ASB11: variants seen among roughly 807,000 people sequenced by gnomAD.
ASB11 encodes the protein ankyrin repeat and SOCS box protein 11.
ASB11 carries 17 observed loss-of-function variants against 20.1 expected under a neutral mutation model. The observed-to-expected ratio is 0.85, with a 90% CI of 0.58 to 1.27. The LOEUF (loss-of-function observed/expected upper bound fraction) is 1.27. Among genes scored for constraint, ASB11 ranks in the 50% most tolerant of loss-of-function variants. The pLI is 0.00. For missense variants in ASB11, 259 were observed against 256.9 expected (o/e 1.01, Z -0.06); for synonymous variants, 107 against 105.6 (o/e 1.01, Z -0.08).
intron 1 of ASB11, among the ~76,000 whole-genome samples, chrX:15,310,402 T>G (rs959369225): frequency 1.6e-4 from 18 of 112,285 alleles, no homozygotes; most frequent in Non-Finnish European, 2.8e-4. Flanking sequence ...ATTATGAAGA[T>G]AGTTTACTCT....
intron 1 of ASB11, among the ~76,000 whole-genome samples, chrX:15,309,277 T>C (rs1038664009): frequency 1.8e-5 from 2 of 108,783 alleles, no homozygotes; most frequent in African/African-American, 6.7e-5. Context: ...CTCTGCCTCC[T>C]GTCAGATCAT....
At chrX:15,305,597 T>TTAGATAGCTAGA (rs1921213559) in intron 1 of ASB11, among the ~76,000 whole-genome samples, 1 of 98,515 alleles carries the variant, frequency 1.0e-5, no homozygotes, top group Non-Finnish European at 2.0e-5. Context: ...AAAAAAAAGA[T>TTAGATAGCTAGA]TAGATAGATA....
Position 15,283,483 on chromosome X carries a change from A to G in ASB11, c.*22T>C, listed in dbSNP as rs1040232170. On this transcript the variant is annotated 3_prime_UTR_variant, in exon 7 of 7. Transcript: ENST00000480796. ...GACAACAATCTGTGTCATTCCAAGT[A>G]TCTTCCCAGGAACACTTAGGACTAT... is the stretch of plus-strand genomic sequence containing the variant. 8 of 1,207,572 alleles carry G rather than the reference A, an allele frequency of 6.6e-6. No homozygotes were observed. The highest frequency in any genetic ancestry group is 7.8e-6 in the Non-Finnish European group (7 of 893,315).
At chrX:15,295,556 C>T (rs1295225487) in intron 3 of ASB11, among the ~76,000 whole-genome samples, 2 of 111,198 alleles carry the variant, frequency 1.8e-5, no homozygotes, top group African/African-American at 6.5e-5. Context: ...ACTAGGAACC[C>T]AAGATGAGGA....
intron 3 of ASB11, among the ~76,000 whole-genome samples, chrX:15,296,497 A>G (rs1920966352): frequency 8.9e-6 from 1 of 111,959 alleles, no homozygotes; most frequent in Non-Finnish European, 1.9e-5. Context: ...AACTAAACAC[A>G]GAAGATTTTT....
Position 15,285,140 on chromosome X carries a change from CTT to C in ASB11, c.848-1513_848-1512del, listed in dbSNP as rs767822616. Among the ~76,000 whole-genome samples, 30 of 81,529 alleles carry C rather than the reference CTT, an allele frequency of 3.7e-4. No individual in the cohort carries two copies. The South Asian group carries it at 4.7e-3, about 13-fold the overall frequency. 70.8% of individuals were successfully genotyped at this position (81,529 alleles called of 115,157 possible). A position where few individuals can be genotyped will look rare whatever the true frequency, so the allele number is the denominator to read the frequency against. On this transcript the variant is annotated intron_variant, in intron 6 of 6. Transcript: ENST00000480796. The stretch of plus-strand genomic sequence containing the variant: ...CTGATGTAGTTGGTATTTAATCTTT[CTT>C]TTTTTTTTTTTTTTTTTTTGACAGA...
In ASB11 at chrX:15,282,198, A is replaced by G. The variant is rs1927202882; in HGVS notation, c.*1307T>C. ...CCAAAGGTCTAGAAAAATTGGGGGA[A>G]AAAAAAACATGTGTGAAATGAGTCT... On this transcript the variant is annotated 3_prime_UTR_variant, in exon 7 of 7. Transcript: ENST00000480796. 1 of 111,310 alleles carries G rather than the reference A, an allele frequency of 9.0e-6. No individual in the cohort carries two copies. The highest frequency in any genetic ancestry group is 1.9e-5 in the Non-Finnish European group (1 of 52,991). 9.2% of individuals were successfully genotyped at this position (111,310 alleles called of 1,213,427 possible).
rs1399795924 is a variant in ASB11 at position 15,293,409 on chromosome X, ATT to A, written c.370-91_370-90del. The A allele has an allele frequency of 9.8e-5, 99 of 1,012,444 alleles. 1 individual carries two copies. The highest frequency in any genetic ancestry group is 1.3e-4 in the Non-Finnish European group (98 of 744,063). The allele number at this position is 1,012,444 out of a possible 1,213,427, so 83.4% of individuals were successfully genotyped here. ...TCTTCCTATGTATTTGCCTAGAGGA[ATT>A]CCCCACGCTGGTGAATAAGTGAGGG... On this transcript the variant is annotated intron_variant, in intron 3 of 6. Transcript: ENST00000480796.
At chrX:15,287,797 A>T in intron 6 of ASB11, 84 bp downstream of exon 6, 1 of 1,068,732 alleles carries the variant, frequency 9.4e-7, no homozygotes, top group Non-Finnish European at 1.2e-6. Flanking sequence ...AAGAGAAAAG[A>T]AAAAGGAAAA....
rs1372754051 is a variant in ASB11, at chrX:15,292,616, CTT to C, written c.520+552_520+553del. Among the ~76,000 whole-genome samples, 10 of 112,253 alleles carry C rather than the reference CTT, an allele frequency of 8.9e-5. No homozygotes were observed. The Admixed American group carries it at 9.5e-4, about 11-fold the overall frequency. ...ATGCTATACTTTGGAAAGTTGCAGC[CTT>C]TTCTTTTCAATAACTATGACCTTGA... On this transcript the variant is annotated intron_variant, in intron 4 of 6. Transcript: ENST00000480796.
intron 1 of ASB11, among the ~76,000 whole-genome samples, chrX:15,314,013 G>A (rs1229235041): frequency 9.8e-6 from 1 of 101,615 alleles, no homozygotes; most frequent in African/African-American, 3.6e-5. Flanking sequence ...AGCCGAGATG[G>A]TGCCACTGCA....
In ASB11 at chrX:15,282,901, CAT is replaced by C. The variant is rs1008758909; in HGVS notation, c.*602_*603del. The stretch of plus-strand genomic sequence containing the variant: ...ATACATATATTAAGGACTTTGAAAA[CAT>C]ATATGAACTATATATATTAAGGACT... On this transcript the variant is annotated 3_prime_UTR_variant, in exon 7 of 7. Coordinates refer to ENST00000480796, the MANE Select transcript of ASB11 (RefSeq NM_080873.3). 7.7e-5 allele frequency: 8 copies of C among 103,543 alleles called. No homozygotes were observed. Among genetic ancestry groups the C allele is most frequent in the Admixed American group, 2.2e-4 (2 of 9,291 alleles). The allele number at this position is 103,543 out of a possible 1,213,427, so 8.5% of individuals were successfully genotyped here.
Position 15,314,498 on chromosome X carries a change from G to A in ASB11, c.181+927C>T, listed in dbSNP as rs769215407. ...GTTAATTGAAGCATTCTGATGCTTC[G>A]TCCTTGGAGGTCTTATTTCTTTAGA... On this transcript the variant is annotated intron_variant, in intron 1 of 6. Coordinates refer to ENST00000480796, the MANE Select transcript of ASB11 (RefSeq NM_080873.3). 3.1e-5 allele frequency: 37 copies of A among 1,184,759 alleles called. No individual in the cohort carries two copies. In the East Asian group the frequency reaches 6.9e-4, roughly 22 times the overall value.
At position 15,292,896 on chromosome X, in the gene ASB11, T is replaced by C. The variant is rs764030585; in HGVS notation, c.520+274A>G. 1.1e-4 allele frequency among the ~76,000 whole-genome samples: 12 copies of C among 111,803 alleles called. No homozygotes were observed. The Admixed American group carries it at 1.1e-3, about 11-fold the overall frequency. ...GCCACCAAAACACCAGCAAAGAGGA[T>C]CTGGAAAGGCCTGCCAATAGACCAT... On this transcript the variant is annotated intron_variant, in intron 4 of 6. Transcript: ENST00000480796.
rs775769528 is a variant in ASB11 at position 15,293,156 on chromosome X, G to T, written c.520+14C>A. The T allele has an allele frequency of 8.3e-7, 1 of 1,204,658 alleles. No individual in the cohort carries two copies. The highest frequency in any genetic ancestry group is 1.1e-6 in the Non-Finnish European group (1 of 892,040). On this transcript the variant is annotated intron_variant, in intron 4 of 6. Transcript: ENST00000480796. ...CCCATCAATGTTTCACATGCATTGT[G>T]GTGGCTCATTTACCTCTCTTCACTG...
In ASB11 at chrX:15,283,272, TAAC is replaced by T. The variant is rs1182753240; in HGVS notation, c.*230_*232del. The T allele has an allele frequency of 1.3e-4, 41 of 324,372 alleles. No individual in the cohort carries two copies. The highest frequency in any genetic ancestry group is 2.0e-4 in the Non-Finnish European group (38 of 188,574). 26.7% of individuals were successfully genotyped at this position (324,372 alleles called of 1,213,427 possible). A position where few individuals can be genotyped will look rare whatever the true frequency, so the allele number is the denominator to read the frequency against. On this transcript the variant is annotated 3_prime_UTR_variant, in exon 7 of 7. Coordinates refer to ENST00000480796, the MANE Select transcript of ASB11 (RefSeq NM_080873.3). ...TACTTCACAGTTCTTTTAAGTTTCT[TAAC>T]AACAAGAGCTAAAAGCTAAATGGTT... is the stretch of plus-strand genomic sequence containing the variant.
intron 6 of ASB11, among the ~76,000 whole-genome samples, chrX:15,285,140 CTTTTTTTTTTT>C (rs767822616): frequency 1.2e-5 from 1 of 81,569 alleles, no homozygotes; most frequent in Non-Finnish European, 2.4e-5. Flanking sequence ...TTTAATCTTT[CTTTTTTTTTTT>C]TTTTTTTTTT....
Position 15,293,307 on chromosome X carries a change from G to C in ASB11, c.383C>G (p.Thr128Arg), listed in dbSNP as rs1569170235. The change falls in exon 4 of 7, where the codon ACA becomes AGA. Residue 128 changes from threonine to arginine, a missense_variant. By Grantham distance (71) the Thr-to-Arg change is moderately conservative (BLOSUM62 -1). Coordinates refer to ENST00000480796, the MANE Select transcript of ASB11 (RefSeq NM_080873.3). ...GAAGAGGGGTGTGGCTCCGTGAACT[G>C]TCACTCCATTGACCTAATGATGGGC... is the stretch of plus-strand genomic sequence containing the variant. ...LENGAHVNGVTVHGATPLFNA... is the reference protein window; with the variant it reads ...LENGAHVNGVRVHGATPLFNA... 1 of 1,208,504 alleles carries C rather than the reference G, an allele frequency of 8.3e-7. No individual in the cohort carries two copies. Among genetic ancestry groups the C allele is most frequent in the Non-Finnish European group, 1.1e-6 (1 of 894,155 alleles).
intron 2 of ASB11, among the ~76,000 whole-genome samples, 193 bp from the exon 3 acceptor site, chrX:15,297,874 G>A (rs866059167): frequency 2.1e-4 from 24 of 112,386 alleles, no homozygotes; most frequent in South Asian, 7.4e-4. Flanking sequence ...AGCAATGAAA[G>A]CAATGTTGTT....
Sources: allele counts gnomAD v4.1 joint callset (sites outside exome capture counted in the v4.1 genomes callset), GRCh38; gene constraint gnomAD v4.1.1; transcripts MANE v1.5; gene names NCBI Gene and HGNC (gene_info 2026-07-23, HGNC 2026-07-21).